Variants in ABCA13 observed in about 807,000 individuals in gnomAD.
ABCA13 encodes ATP-binding cassette sub-family A member 13.
ABCA13 carries 476 observed loss-of-function variants against 478.7 expected under a neutral mutation model. That is an observed-to-expected ratio of 0.99 (90% confidence interval 0.92 to 1.07). ABCA13 has a LOEUF of 1.07. Among genes scored for constraint, ABCA13 ranks in the 50% least tolerant of loss-of-function variants. ABCA13 has a pLI of 0.00. For synonymous variants in ABCA13, 2,252 were observed against 2,158.9 expected (o/e 1.04, Z -1.20); for missense variants, 6,060 against 5,910.6 (o/e 1.03, Z -0.83).
At chr7:48,259,695 A>T (rs1171330638) in intron 15 of ABCA13, among the ~76,000 whole-genome samples, 2 of 149,016 alleles carry the variant, frequency 1.3e-5, no homozygotes, top group African/African-American at 5.0e-5. Flanking sequence ...TTTCTTTGTA[A>T]TGTTAATGAT....
intron 38 of ABCA13, among the ~76,000 whole-genome samples, chr7:48,395,741 C>T (rs1308767679): frequency 1.3e-5 from 2 of 151,994 alleles, no homozygotes; most frequent in Admixed American, 1.3e-4. Context: ...CATTTTTTTC[C>T]TCTAGCTTGC....
chr7:48,327,347 A>G (rs545546210), intron 27 of ABCA13, among the ~76,000 whole-genome samples: 2 of 152,272 alleles, frequency 1.3e-5, no homozygotes, highest in East Asian at 3.9e-4. Flanking sequence ...GCATGGGGAA[A>G]CTGCCCCCGT....
chr7:48,409,164 T>A (rs1184239969), intron 39 of ABCA13, among the ~76,000 whole-genome samples: 2 of 152,204 alleles, frequency 1.3e-5, no homozygotes, highest in African/African-American at 4.8e-5. Flanking sequence ...GGAACAAGAA[T>A]CAGTCAATGA....
At position 48,193,860 on chromosome 7, in the gene ABCA13, A is replaced by G. The variant is rs368034689; in HGVS notation, c.163+808A>G. 4.9e-4 allele frequency among the ~76,000 whole-genome samples: 14 copies of G among 28,426 alleles called. No homozygotes were observed. In the East Asian group the frequency reaches 8.8e-3, roughly 18 times the overall value. 18.6% of individuals were successfully genotyped at this position (28,426 alleles called of 152,430 possible). A position where few individuals can be genotyped will look rare whatever the true frequency, so the allele number is the denominator to read the frequency against. On this transcript the variant is annotated intron_variant, in intron 2 of 61. Transcript: ENST00000435803. ...TGATGAAGATGATGATAGTGATGAGAGTGATTATGATGGAGATAATAACCG... is the reference window on the plus strand; with the variant it reads ...TGATGAAGATGATGATAGTGATGAGGGTGATTATGATGGAGATAATAACCG...
At chr7:48,580,659 C>T (rs879561911) in intron 56 of ABCA13, among the ~76,000 whole-genome samples, 29 of 152,180 alleles carry the variant, frequency 1.9e-4, no homozygotes, top group African/African-American at 6.5e-4. Context: ...TTGCTCTTTT[C>T]TTCCTCTCTA....
At chr7:48,637,380 G>GAAAAAAAAAAAAAAAAAAAAA (rs1794727558) in intron 59 of ABCA13, among the ~76,000 whole-genome samples, 1 of 6,578 alleles carries the variant, frequency 1.5e-4, no homozygotes, top group Non-Finnish European at 2.8e-4. Context: ...TGTTCATAAA[G>GAAAAAAAAAAAAAAAAAAAAA]CAAAAAAAAA....
intron 59 of ABCA13, among the ~76,000 whole-genome samples, chr7:48,630,019 T>C (rs1487327406): frequency 2.0e-5 from 3 of 152,220 alleles, no homozygotes; most frequent in East Asian, 3.8e-4. Context: ...TTGGTCTATT[T>C]TGTTCTACTT....
chr7:48,344,505 C>T (rs1302041868), intron 29 of ABCA13, among the ~76,000 whole-genome samples: 1 of 152,192 alleles, frequency 6.6e-6, no homozygotes, highest in Non-Finnish European at 1.5e-5. Flanking sequence ...TTCTCTGGGG[C>T]TTGGCCCCAC....
chr7:48,389,761 A>T (rs1050728025), intron 37 of ABCA13, among the ~76,000 whole-genome samples: 10 of 152,264 alleles, frequency 6.6e-5, no homozygotes, highest in Non-Finnish European at 8.8e-5. Context: ...CCAGAGAAAC[A>T]ATGAATTCAA....
chr7:48,591,742 A>G (rs1420273447), intron 57 of ABCA13, among the ~76,000 whole-genome samples: 1 of 151,924 alleles, frequency 6.6e-6, no homozygotes, highest in Non-Finnish European at 1.5e-5. Context: ...TGTAAATGAA[A>G]TTGTCTAAAA....
At chr7:48,398,309 C>G (rs1186089245) in intron 38 of ABCA13, among the ~76,000 whole-genome samples, 1 of 152,132 alleles carries the variant, frequency 6.6e-6, no homozygotes, top group African/African-American at 2.4e-5. Flanking sequence ...TTTGCTTCAT[C>G]TTTTTTTGGG....
chr7:48,488,590 C>T (rs1829559232), intron 47 of ABCA13, among the ~76,000 whole-genome samples: 1 of 152,136 alleles, frequency 6.6e-6, no homozygotes. Context: ...TTGGAGTCAT[C>T]ATACTTCTTG....
chr7:48,348,287 G>A (rs779930251), intron 29 of ABCA13, among the ~76,000 whole-genome samples: 2 of 152,016 alleles, frequency 1.3e-5, no homozygotes, highest in Non-Finnish European at 2.9e-5. Context: ...GGGGGACTCC[G>A]GGGACTCATG....
chr7:48,288,460 T>G (rs1426816771), intron 20 of ABCA13, among the ~76,000 whole-genome samples: 3 of 152,248 alleles, frequency 2.0e-5, no homozygotes, highest in African/African-American at 7.2e-5. Flanking sequence ...TATGTTTTAC[T>G]GTTATCTCTC....
At chr7:48,636,504 C>A (rs1383642261) in intron 59 of ABCA13, among the ~76,000 whole-genome samples, 3 of 152,102 alleles carry the variant, frequency 2.0e-5, no homozygotes, top group Non-Finnish European at 4.4e-5. Flanking sequence ...AGTCCAGGAC[C>A]CTTGTCTCAA....
At chr7:48,442,456 A>G (rs1344091759) in intron 42 of ABCA13, among the ~76,000 whole-genome samples, 1 of 152,204 alleles carries the variant, frequency 6.6e-6, no homozygotes, top group East Asian at 1.9e-4. Context: ...TACATCTGCC[A>G]TTGCAGTCCC....
chr7:48,279,305 G>T lies in ABCA13; in HGVS notation c.8111G>T (p.Gly2704Val), dbSNP rs1796714274. 1.3e-6 allele frequency: 2 copies of T among 1,588,000 alleles called. No individual in the cohort carries two copies. The change falls in exon 18 of 62, where the codon GGC becomes GTC. Residue 2704 changes from glycine (G) to valine (V), a missense_variant. Transcript: ENST00000435803. ...CCTAATCCAATTTCCACTCATAGTGGCCCTCAAGATATAAAATGGGAAATA... is the reference window on the plus strand; with the variant it reads ...CCTAATCCAATTTCCACTCATAGTGTCCCTCAAGATATAAAATGGGAAATA... ...LYPNPISTHSGPQDIKWEIIH... is the reference protein window; with the variant it reads ...LYPNPISTHSVPQDIKWEIIH...
intron 23 of ABCA13, 32 bp from the exon 24 acceptor site, chr7:48,309,915 T>G: frequency 6.2e-7 from 1 of 1,612,144 alleles, no homozygotes; most frequent in Admixed American, 1.7e-5. Context: ...GTCATAGGTA[T>G]ACTCACCTCT....
At chr7:48,228,783 T>C (rs1788625405) in intron 6 of ABCA13, among the ~76,000 whole-genome samples, 2 of 152,254 alleles carry the variant, frequency 1.3e-5, no homozygotes, top group African/African-American at 4.8e-5. Flanking sequence ...CTTAAATATT[T>C]GAACATATTT....
Sources: allele counts gnomAD v4.1 joint callset (sites outside exome capture counted in the v4.1 genomes callset), GRCh38; gene constraint gnomAD v4.1.1; transcripts MANE v1.5; gene names NCBI Gene and HGNC (gene_info 2026-07-23, HGNC 2026-07-21).